PRMT1: variants seen among roughly 807,000 people sequenced by gnomAD.
PRMT1 encodes protein arginine methyltransferase 1, also known as protein arginine N-methyltransferase 1.
In PRMT1, 5 loss-of-function variants were observed where a neutral mutation model predicts 47.4. The ratio of observed to expected loss-of-function variants is 0.11; its 90% CI spans 0.06 to 0.22. The LOEUF (loss-of-function observed/expected upper bound fraction) is 0.22. PRMT1 is among the 10% of genes least tolerant of loss of function. PRMT1 has a pLI of 1.00. For synonymous variants in PRMT1, 227 were observed against 204.6 expected (o/e 1.11, Z -0.94); for missense variants, 249 against 518.4 (o/e 0.48, Z 5.05).
Position 49,684,105 on chromosome 19 carries a change from G to A in PRMT1, c.555+36G>A. On this transcript the variant is annotated intron_variant, in intron 6 of 10. Transcript: ENST00000454376. The surrounding 1 kb of genome is among the most constrained non-coding windows in gnomAD (Gnocchi z 6.2). ...AGCGGGACGGGTGCAGCTCGCGTGGGCTGGGGTCCAGGTAGAAGACGAAAA... is the reference window on the plus strand; with the variant it reads ...AGCGGGACGGGTGCAGCTCGCGTGGACTGGGGTCCAGGTAGAAGACGAAAA... 6.2e-7 allele frequency: 1 copy of A among 1,611,666 alleles called. No individual in the cohort carries two copies. Among genetic ancestry groups the A allele is most frequent in the South Asian group, 1.1e-5 (1 of 90,994 alleles).
rs1180849234 is a variant in PRMT1 at position 49,685,724 on chromosome 19, C to T, written c.760-369C>T. On this transcript the variant is annotated intron_variant, in intron 8 of 10. Transcript: ENST00000454376. This position sits in a 1 kb window ranked among gnomAD's most constrained non-coding sequence, Gnocchi z 4.7. ...CCCTCCTGAGAGCCAGGGGAACTGGCGCAGGGTTTAGGTTGGCATTTGTGT... is the reference window on the plus strand; with the variant it reads ...CCCTCCTGAGAGCCAGGGGAACTGGTGCAGGGTTTAGGTTGGCATTTGTGT... The T allele has an allele frequency of 1.4e-5, 15 of 1,052,198 alleles. No individual in the cohort carries two copies. In the East Asian group the frequency reaches 7.7e-4, roughly 54 times the overall value. The allele number at this position is 1,052,198 out of a possible 1,614,324, so 65.2% of individuals were successfully genotyped here.
upstream of PRMT1, chr19:49,677,182 G>A (rs2082046409): frequency 1.7e-6 from 2 of 1,201,662 alleles, no homozygotes; most frequent in East Asian, 2.8e-5. Context: ...GCGGGGTCGC[G>A]GTAGGCGGGC....
rs761246420 is a variant in PRMT1, at chr19:49,686,101, C to T, written c.768C>T (p.Asp256=). The change falls in exon 9 of 11, where the codon GAC becomes GAT. Residue 256 remains aspartate, a synonymous_variant. Transcript: ENST00000454376. The part of the protein sequence containing the change: ...VTNACLIKEV[D]IYTVKVEDLT... The stretch of plus-strand genomic sequence containing the variant: ...CCTCTCATGTCCTGCAGGAGGTGGA[C>T]ATCTATACCGTCAAGGTGGAAGACC... 16 of 1,613,458 alleles carry T rather than the reference C, an allele frequency of 9.9e-6. No homozygotes were observed. In the South Asian group the frequency reaches 1.8e-4, roughly 18 times the overall value.
Position 49,688,305 on chromosome 19 carries a change from GCTCCCCCTT to G in PRMT1, c.*62_*70del. 6.5e-7 allele frequency: 1 copy of G among 1,548,076 alleles called. No individual in the cohort carries two copies. The highest frequency in any genetic ancestry group is 1.4e-5 in the African/African-American group (1 of 73,676). On this transcript the variant is annotated 3_prime_UTR_variant, in exon 11 of 11. Transcript: ENST00000454376. The surrounding 1 kb of genome is among the most constrained non-coding windows in gnomAD (Gnocchi z 5.3). ...CTGAGCGTTCCTAGGCGGTTTCGGG[GCTCCCCCTT>G]CCTCTCCCTCCCTCCCGCAGAAGGG...
rs892151 is a variant in PRMT1, at chr19:49,680,971, G to A, written c.192+383G>A. Reference sequence around the variant, plus strand: ...ACTGAAGACACTGAAATCCCAGAACGAAGCTGGGGTGGCATTCTAAGGAAT... The same window carrying A: ...ACTGAAGACACTGAAATCCCAGAACAAAGCTGGGGTGGCATTCTAAGGAAT... On this transcript the variant is annotated intron_variant, in intron 3 of 10. Transcript: ENST00000454376. The surrounding 1 kb of genome is among the most constrained non-coding windows in gnomAD (Gnocchi z 4.2). Among the ~76,000 whole-genome samples, 2,208 of 152,348 alleles carry A rather than the reference G, an allele frequency of 0.014. 118 individuals are homozygous for A. The highest frequency in any genetic ancestry group is 0.11 in the South Asian group (550 of 4,832).
chr19:49,683,139 G>C (rs1450802905), intron 5 of PRMT1, among the ~76,000 whole-genome samples: 1 of 149,716 alleles, frequency 6.7e-6, no homozygotes, highest in Non-Finnish European at 1.5e-5. Context: ...GGCTGGTCTT[G>C]AACTCCTGAC....
Position 49,685,241 on chromosome 19 carries a change from C to A in PRMT1, c.759+204C>A. The A allele has an allele frequency of 6.7e-7, 1 of 1,489,332 alleles. No individual in the cohort carries two copies. The highest frequency in any genetic ancestry group is 1.3e-5 in the South Asian group (1 of 78,282). The allele number at this position is 1,489,332 out of a possible 1,614,324, so 92.3% of individuals were successfully genotyped here. A position where few individuals can be genotyped will look rare whatever the true frequency, so the allele number is the denominator to read the frequency against. Reference sequence around the variant, plus strand: ...TGAGCGCTGCTGTGTGAGAACCATGCTTGGCACTTGGCTTCTGGCGGAGGA... The same window carrying A: ...TGAGCGCTGCTGTGTGAGAACCATGATTGGCACTTGGCTTCTGGCGGAGGA... On this transcript the variant is annotated intron_variant, in intron 8 of 10. Transcript: ENST00000454376. The surrounding 1 kb of genome is among the most constrained non-coding windows in gnomAD (Gnocchi z 4.7).
chr19:49,680,137 A>C lies in PRMT1; in HGVS notation c.90+212A>C. On this transcript the variant is annotated intron_variant, in intron 2 of 10. Coordinates refer to ENST00000454376, the MANE Select transcript of PRMT1 (RefSeq NM_001536.6). The surrounding 1 kb of genome is among the most constrained non-coding windows in gnomAD (Gnocchi z 4.2). ...CCGCTACTTCCTTAACTCCACCTCC[A>C]ACCCCCCTTTGCCCTTCCCTGTGTC... 110 of 1,271,254 alleles carry C rather than the reference A, an allele frequency of 8.7e-5. No homozygotes were observed. The highest frequency in any genetic ancestry group is 1.2e-4 in the Non-Finnish European group (105 of 897,932). 78.7% of individuals were successfully genotyped at this position (1,271,254 alleles called of 1,614,324 possible).
intron 9 of PRMT1, 88 bp from the exon 10 acceptor site, chr19:49,686,517 T>C (rs576973578): frequency 3.8e-6 from 4 of 1,041,726 alleles, no homozygotes; most frequent in East Asian, 5.3e-5. Flanking sequence ...TCAGCTGTCA[T>C]GGGGGTGGGC....
intron 1 of PRMT1, chr19:49,678,181 G>A (rs1440740634): frequency 6.6e-6 from 1 of 152,226 alleles, no homozygotes; most frequent in Non-Finnish European, 1.5e-5. Context: ...GGAGGGAGGA[G>A]GGTATGTCCG....
Position 49,684,101 on chromosome 19 carries a change from G to C in PRMT1, c.555+32G>C, listed in dbSNP as rs753547933. 11 of 1,611,892 alleles carry C rather than the reference G, an allele frequency of 6.8e-6. No individual in the cohort carries two copies. The Admixed American group carries it at 1.8e-4, about 27-fold the overall frequency. ...CCCCAGCGGGACGGGTGCAGCTCGC[G>C]TGGGCTGGGGTCCAGGTAGAAGACG... On this transcript the variant is annotated intron_variant, in intron 6 of 10. Coordinates refer to ENST00000454376, the MANE Select transcript of PRMT1 (RefSeq NM_001536.6). This position sits in a 1 kb window ranked among gnomAD's most constrained non-coding sequence, Gnocchi z 6.2.
chr19:49,677,133 T>C, upstream of PRMT1: 2 of 653,412 alleles, frequency 3.1e-6, no homozygotes, highest in South Asian at 9.7e-5. Flanking sequence ...TAGACGGTAT[T>C]CTCAGACGGG....
At position 49,680,456 on chromosome 19, in the gene PRMT1, C is replaced by A; in HGVS notation, c.91-31C>A. 6.4e-7 allele frequency: 1 copy of A among 1,558,554 alleles called. No homozygotes were observed. The highest frequency in any genetic ancestry group is 8.9e-7 in the Non-Finnish European group (1 of 1,129,634). On this transcript the variant is annotated intron_variant, in intron 2 of 10. Transcript: ENST00000454376. The surrounding 1 kb of genome is among the most constrained non-coding windows in gnomAD (Gnocchi z 4.2). Reference sequence around the variant, plus strand: ...AAGAGGCTGTGGGGAGCCCCCAGATCTGACCCATGATCCCATCGGCCCCCT... The same window carrying A: ...AAGAGGCTGTGGGGAGCCCCCAGATATGACCCATGATCCCATCGGCCCCCT...
rs183176508 is a variant in PRMT1 at position 49,687,538 on chromosome 19, C to T, written c.1033-624C>T. On this transcript the variant is annotated intron_variant, in intron 10 of 10. Transcript: ENST00000454376. ...CGCCCCCCCCCAGGACGTTTGCCAC[C>T]GTCTGTGGAAACATTTGTGGTTGTC... Among the ~76,000 whole-genome samples the T allele has an allele frequency of 3.4e-3, 521 of 151,432 alleles. 6 individuals are homozygous for T. Among genetic ancestry groups the T allele is most frequent in the African/African-American group, 0.012 (492 of 41,292 alleles).
Position 49,685,656 on chromosome 19 carries a change from G to A in PRMT1, c.760-437G>A. ...CGGGGAGGAGTAAGTTGTTGAGTGG[G>A]GGAGGAGAGGAGACTACAGGGGCAG... is the stretch of plus-strand genomic sequence containing the variant. On this transcript the variant is annotated intron_variant, in intron 8 of 10. Coordinates refer to ENST00000454376, the MANE Select transcript of PRMT1 (RefSeq NM_001536.6). The surrounding 1 kb of genome is among the most constrained non-coding windows in gnomAD (Gnocchi z 4.7). The A allele has an allele frequency of 9.7e-7, 1 of 1,026,094 alleles. No individual in the cohort carries two copies. Among genetic ancestry groups the A allele is most frequent in the Non-Finnish European group, 1.2e-6 (1 of 854,880 alleles). 63.6% of individuals were successfully genotyped at this position (1,026,094 alleles called of 1,614,324 possible).
intron 1 of PRMT1, chr19:49,679,478 C>G (rs753093737): frequency 1.8e-5 from 9 of 499,502 alleles, no homozygotes; most frequent in Non-Finnish European, 3.1e-5. Flanking sequence ...TCATGGCACC[C>G]TAGGATAGGG....
Position 49,685,595 on chromosome 19 carries a change from C to A in PRMT1, c.760-498C>A. On this transcript the variant is annotated intron_variant, in intron 8 of 10. Transcript: ENST00000454376. The surrounding 1 kb of genome is among the most constrained non-coding windows in gnomAD (Gnocchi z 4.7). ...TATTTGTTGAGCTGGGATGTGTGAG[C>A]CGGGTGAAGCTGGGTGGCTGACCGG... 9.9e-7 allele frequency: 1 copy of A among 1,014,268 alleles called. No homozygotes were observed. The highest frequency in any genetic ancestry group is 1.2e-6 in the Non-Finnish European group (1 of 848,556). The allele number at this position is 1,014,268 out of a possible 1,614,324, so 62.8% of individuals were successfully genotyped here. A position where few individuals can be genotyped will look rare whatever the true frequency, so the allele number is the denominator to read the frequency against.
upstream of PRMT1, chr19:49,677,226 A>C: frequency 1.4e-6 from 2 of 1,387,652 alleles, no homozygotes; most frequent in Non-Finnish European, 1.9e-6. Context: ...GTCCCGGGGG[A>C]GTGAGGAGAA....
intron 9 of PRMT1, 48 bp from the exon 10 acceptor site, chr19:49,686,556 GT>G: frequency 6.5e-7 from 1 of 1,537,588 alleles, no homozygotes; most frequent in Non-Finnish European, 8.8e-7. Context: ...CAAGGGTGGG[GT>G]TGGGGGGGGC....
Sources: allele counts gnomAD v4.1 joint callset (sites outside exome capture counted in the v4.1 genomes callset), GRCh38; gene constraint gnomAD v4.1.1; non-coding constraint Gnocchi (gnomAD v3.1); transcripts MANE v1.5; gene names NCBI Gene and HGNC (gene_info 2026-07-23, HGNC 2026-07-21).